PRKD3: variants seen among roughly 807,000 people sequenced by gnomAD.
The protein encoded by PRKD3 is protein kinase D3.
Under a neutral mutation model 99.2 loss-of-function variants are expected in PRKD3, and 47 were observed. That is an observed-to-expected ratio of 0.47 (90% CI 0.38 to 0.60). The LOEUF is 0.60. Among genes scored for constraint, PRKD3 ranks in the 20% least tolerant of loss-of-function variants. The probability of loss-of-function intolerance (pLI) is 0.00; values close to 1 mark genes in which losing one functional copy is unlikely to be tolerated. For missense variants in PRKD3, 1,019 were observed against 1,088.4 expected (o/e 0.94, Z 0.90); for synonymous variants, 392 against 355.4 (o/e 1.10, Z -1.16).
Position 37,279,455 on chromosome 2 carries a change from C to T in PRKD3, c.1172+291G>A, listed in dbSNP as rs369152270. Reference sequence around the variant, plus strand: ...TACTGACACCTTGCAGTGGCTGTTCCACAACTAGGTTTTACATCTAGACCA... The same window carrying T: ...TACTGACACCTTGCAGTGGCTGTTCTACAACTAGGTTTTACATCTAGACCA... On this transcript the variant is annotated intron_variant, in intron 8 of 18. Coordinates refer to ENST00000234179, the MANE Select transcript of PRKD3 (RefSeq NM_005813.6). 24 of 192,650 alleles carry T rather than the reference C, an allele frequency of 1.2e-4. No homozygotes were observed. The East Asian group carries it at 2.6e-3, about 21-fold the overall frequency. The allele number at this position is 192,650 out of a possible 1,614,324, so 11.9% of individuals were successfully genotyped here.
Position 37,286,178 on chromosome 2 carries a change from T to TTG in PRKD3, c.908_909insCA (p.Lys303AsnfsTer48). The TTG allele has an allele frequency of 6.2e-7, 1 of 1,608,908 alleles. No homozygotes were observed. Among genetic ancestry groups the TTG allele is most frequent in the Non-Finnish European group, 8.5e-7 (1 of 1,176,290 alleles). ...ATTAGGGAAAACACCTAATCCTACC[T>TTG]TTACACTGCATTCCTTGGCGAAAGA... On this transcript the variant is annotated frameshift_variant and splice_region_variant, in exon 6 of 19. Transcript: ENST00000234179. LOFTEE classifies it high-confidence loss of function.
Position 37,254,719 on chromosome 2 carries a change from G to A in PRKD3, c.2414-430C>T, listed in dbSNP as rs78268939. 5.0e-3 allele frequency among the ~76,000 whole-genome samples: 764 copies of A among 152,260 alleles called. 8 individuals carry two copies. The highest frequency in any genetic ancestry group is 0.017 in the African/African-American group (699 of 41,546). On this transcript the variant is annotated intron_variant, in intron 17 of 18. Coordinates refer to ENST00000234179, the MANE Select transcript of PRKD3 (RefSeq NM_005813.6). ...TTATTATTTGAAGATGAATGAAACA[G>A]ACTCTCTGATCCTCCCCACCCCGCT...
chr2:37,253,585 T>G (rs1286280120), intron 18 of PRKD3, among the ~76,000 whole-genome samples: 1 of 152,146 alleles, frequency 6.6e-6, no homozygotes, highest in African/African-American at 2.4e-5. Flanking sequence ...ATTTCTGAAA[T>G]TAAAAAAAAT....
At chr2:37,320,477 G>T (rs1046826395) in intron 1 of PRKD3, among the ~76,000 whole-genome samples, 5 of 133,584 alleles carry the variant, frequency 3.7e-5, no homozygotes, top group African/African-American at 1.4e-4. Flanking sequence ...TGTTGCCTAG[G>T]CTGGAGTACA....
Position 37,253,137 on chromosome 2 carries a change from C to T in PRKD3, c.*40G>A, listed in dbSNP as rs778253341. 21 of 1,534,708 alleles carry T rather than the reference C, an allele frequency of 1.4e-5. No individual in the cohort carries two copies. The highest frequency in any genetic ancestry group is 1.4e-5 in the African/African-American group (1 of 72,712). ...CAAGTTACACAGCAAAATATCAGTC[C>T]ATAAAATGAAATCCTTCCTTATTTA... is the stretch of plus-strand genomic sequence containing the variant. On this transcript the variant is annotated 3_prime_UTR_variant, in exon 19 of 19. Coordinates refer to ENST00000234179, the MANE Select transcript of PRKD3 (RefSeq NM_005813.6).
intron 2 of PRKD3, among the ~76,000 whole-genome samples, chr2:37,313,319 T>C (rs1671522918): frequency 1.4e-5 from 2 of 147,068 alleles, no homozygotes; most frequent in African/African-American, 2.5e-5. Flanking sequence ...TGCTGACCCC[T>C]GCATTAGCGG....
intron 2 of PRKD3, among the ~76,000 whole-genome samples, chr2:37,316,017 G>A (rs919261623): frequency 6.6e-6 from 1 of 152,178 alleles, no homozygotes; most frequent in East Asian, 1.9e-4. Context: ...GAGCCACTAC[G>A]CCCAGCCAAA....
intron 6 of PRKD3, among the ~76,000 whole-genome samples, chr2:37,284,396 T>A (rs1417326067): frequency 6.6e-6 from 1 of 152,190 alleles, no homozygotes; most frequent in East Asian, 1.9e-4. Context: ...ATTAACAGGT[T>A]TATGTAAAAA....
intron 2 of PRKD3, among the ~76,000 whole-genome samples, chr2:37,310,238 T>C (rs192458250): frequency 3.3e-5 from 5 of 152,350 alleles, no homozygotes; most frequent in Admixed American, 2.0e-4. Context: ...CGAAGTGTAA[T>C]AGCTCAAGTT....
chr2:37,286,107 A>C, intron 6 of PRKD3, 70 bp downstream of exon 6: 7 of 1,240,588 alleles, frequency 5.6e-6, no homozygotes, highest in Non-Finnish European at 7.7e-6. Context: ...CTGAAATATA[A>C]ATATTTTAAG....
chr2:37,263,917 A>C (rs553053832), intron 14 of PRKD3, among the ~76,000 whole-genome samples: 1 of 152,278 alleles, frequency 6.6e-6, no homozygotes, highest in South Asian at 2.1e-4. Context: ...GAACGGGAAA[A>C]TGCTGAATTT....
chr2:37,276,985 T>C (rs1299120441), intron 9 of PRKD3, among the ~76,000 whole-genome samples: 1 of 152,094 alleles, frequency 6.6e-6, no homozygotes, highest in Non-Finnish European at 1.5e-5. Context: ...CCACTTCAAG[T>C]TACATTCGCA....
At chr2:37,259,356 G>GA (rs1010216199) in intron 16 of PRKD3, among the ~76,000 whole-genome samples, 6 of 152,332 alleles carry the variant, frequency 3.9e-5, no homozygotes, top group Admixed American at 6.5e-5. Flanking sequence ...GTGAATTGCA[G>GA]AATCTATGTG....
intron 1 of PRKD3, among the ~76,000 whole-genome samples, chr2:37,322,596 T>C (rs1028440172): frequency 1.3e-5 from 2 of 152,242 alleles, no homozygotes; most frequent in Admixed American, 6.5e-5. Flanking sequence ...TCTGCACCAG[T>C]AGTAGCTAAG....
intron 1 of PRKD3, among the ~76,000 whole-genome samples, chr2:37,321,326 G>C (rs1012573986): frequency 7.2e-5 from 11 of 152,006 alleles, no homozygotes; most frequent in South Asian, 2.1e-4. Context: ...ATTGTTACTG[G>C]AATCAAAATA....
chr2:37,286,085 T>C, intron 6 of PRKD3, 92 bp downstream of exon 6: 2 of 1,070,410 alleles, frequency 1.9e-6, no homozygotes, highest in Non-Finnish European at 2.6e-6. Context: ...ATAATTTCTT[T>C]GGCTAATGCT....
chr2:37,262,196 A>G (rs1572620184), intron 14 of PRKD3, among the ~76,000 whole-genome samples: 1 of 151,884 alleles, frequency 6.6e-6, no homozygotes, highest in Non-Finnish European at 1.5e-5. Flanking sequence ...TGCTAGGGGG[A>G]CTCACATGTT....
chr2:37,318,108 A>C (rs112619720), intron 1 of PRKD3, among the ~76,000 whole-genome samples: 12 of 152,242 alleles, frequency 7.9e-5, no homozygotes, highest in African/African-American at 2.9e-4. Context: ...TAAATCATCC[A>C]ATGTGGCTGC....
At chr2:37,323,172 G>T (rs1299989687) in intron 1 of PRKD3, among the ~76,000 whole-genome samples, 2 of 150,690 alleles carry the variant, frequency 1.3e-5, no homozygotes, top group African/African-American at 4.9e-5. Context: ...GTGGCTATCT[G>T]ATGAAACTGA....
Sources: allele counts gnomAD v4.1 joint callset (sites outside exome capture counted in the v4.1 genomes callset), GRCh38; gene constraint gnomAD v4.1.1; transcripts MANE v1.5; gene names NCBI Gene and HGNC (gene_info 2026-07-23, HGNC 2026-07-21).